NEB: variants seen among roughly 807,000 people sequenced by gnomAD.
The protein encoded by NEB is nemaline myopathy type 2.
A neutral mutation model predicts 952.2 loss-of-function variants in NEB; 512 were observed. The ratio of observed to expected loss-of-function variants is 0.54; its 90% confidence interval spans 0.50 to 0.58. The LOEUF (loss-of-function observed/expected upper bound fraction) is 0.58, where lower values mean the gene tolerates loss of function less well. Among genes scored for constraint, NEB ranks in the 20% least tolerant of loss-of-function variants. The pLI is 0.00. For missense variants in NEB, 8,428 were observed against 9,231.1 expected, an observed-to-expected ratio of 0.91 and a Z score of 3.56; for synonymous variants, 2,900 against 3,149.8, an observed-to-expected ratio of 0.92 and a Z score of 2.66.
intron 6 of NEB, 102 bp downstream of exon 6, chr2:151,725,351 A>T: frequency 1.1e-6 from 1 of 883,912 alleles, no homozygotes; most frequent in Non-Finnish European, 1.8e-6. Flanking sequence ...GCTCATAGTA[A>T]TTCAACTGCT....
intron 36 of NEB, among the ~76,000 whole-genome samples, chr2:151,673,024 T>A (rs1325420975): frequency 2.0e-5 from 3 of 152,214 alleles, no homozygotes; most frequent in Non-Finnish European, 4.4e-5. Context: ...TTCATAGGTT[T>A]CGATTTAATA....
Position 151,491,685 on chromosome 2 carries a change from T to C in NEB, c.25148A>G (p.Asn8383Ser). 1 of 1,585,964 alleles carries C rather than the reference T, an allele frequency of 6.3e-7. No individual in the cohort carries two copies. Among genetic ancestry groups the C allele is most frequent in the South Asian group, 1.2e-5 (1 of 86,658 alleles). The part of the protein sequence containing the change: ...NIQSRSLHMI[N>S]VQAQRRSREQ... ...TAAGCCTTTTTCAGCTAACACACCATTAATCATGTGTAAGCTTCGGGACTG... is the reference window on the plus strand; with the variant it reads ...TAAGCCTTTTTCAGCTAACACACCACTAATCATGTGTAAGCTTCGGGACTG... The change falls in exon 179 of 182, where the codon AAT becomes AGT. Residue 8383 changes from asparagine to serine, a missense_variant and splice_region_variant. Coordinates refer to ENST00000397345, the MANE Select transcript of NEB (RefSeq NM_001164508.2).
Position 151,485,679 on chromosome 2 carries a change from A to G in NEB, c.*81T>C, listed in dbSNP as rs2049722735. The G allele has an allele frequency of 7.5e-7, 1 of 1,334,820 alleles. No individual in the cohort carries two copies. The highest frequency in any genetic ancestry group is 1.0e-6 in the Non-Finnish European group (1 of 983,460). 82.7% of individuals were successfully genotyped at this position (1,334,820 alleles called of 1,614,324 possible). A position where few individuals can be genotyped will look rare whatever the true frequency, so the allele number is the denominator to read the frequency against. On this transcript the variant is annotated 3_prime_UTR_variant, in exon 182 of 182. Transcript: ENST00000397345. The stretch of plus-strand genomic sequence containing the variant: ...AAAACCATAGGCAGCTTGAGAACTT[A>G]GGTAACAGTGGAGAGTCTAAACCGA...
intron 116 of NEB, among the ~76,000 whole-genome samples, 173 bp from the exon 117 acceptor site, chr2:151,565,321 A>C (rs528434259): frequency 6.6e-6 from 1 of 152,338 alleles, no homozygotes; most frequent in East Asian, 1.9e-4. Context: ...TAGATATCTA[A>C]AAGTGAATAC....
chr2:151,506,139 T>C (rs1336317705), intron 164 of NEB, 27 bp downstream of exon 164: 2 of 1,550,600 alleles, frequency 1.3e-6, no homozygotes, highest in Middle Eastern at 1.7e-4. Flanking sequence ...GCAGAAAATA[T>C]TGCAAGTGCA....
rs778063345 is a variant in NEB, at chr2:151,527,560, G to A, written c.21761C>T (p.Ala7254Val). 1 of 1,612,784 alleles carries A rather than the reference G, an allele frequency of 6.2e-7. No individual in the cohort carries two copies. Among genetic ancestry groups the A allele is most frequent in the East Asian group, 2.2e-5 (1 of 44,820 alleles). The change falls in exon 147 of 182, where the codon GCC (alanine) becomes GTC (valine). Residue 7254 changes from alanine to valine, a missense_variant. By Grantham distance (64) the Ala-to-Val change is moderately conservative. Coordinates refer to ENST00000397345, the MANE Select transcript of NEB (RefSeq NM_001164508.2). Reference protein sequence around the residue: ...TNLDYKKQYEANKAHWKWTPD... With the variant: ...TNLDYKKQYEVNKAHWKWTPD... ...AGTCCACTTCCAGTGGGCTTTGTTG[G>A]CTTCGTACTGTTTCTTATAGTCCAG... is the stretch of plus-strand genomic sequence containing the variant.
In NEB at chr2:151,625,373, AT is replaced by A. The variant is rs200231116; in HGVS notation, c.10452+160del. ...AATCTATCTACCTTTCTATCTGCCT[AT>A]TTTTTAATACAATAATATGTATATT... On this transcript the variant is annotated intron_variant, in intron 71 of 181. Coordinates refer to ENST00000397345, the MANE Select transcript of NEB (RefSeq NM_001164508.2). 2.6e-4 allele frequency among the ~76,000 whole-genome samples: 39 copies of A among 152,142 alleles called. No individual in the cohort carries two copies. The East Asian group carries it at 7.3e-3, about 29-fold the overall frequency.
At chr2:151,704,445 G>T (rs1422652230) in intron 13 of NEB, among the ~76,000 whole-genome samples, 12 of 149,098 alleles carry the variant, frequency 8.0e-5, no homozygotes, top group South Asian at 2.2e-4. Flanking sequence ...AATGGCGGGC[G>T]CCCCTCCCCC....
intron 7 of NEB, 118 bp downstream of exon 7, chr2:151,724,739 T>A (rs1341411275): frequency 1.3e-6 from 1 of 753,168 alleles, no homozygotes; most frequent in Non-Finnish European, 2.2e-6. Context: ...GGTATTGAAC[T>A]CACACTGCCC....
intron 25 of NEB, 128 bp downstream of exon 25, chr2:151,688,164 G>T: frequency 1.3e-6 from 1 of 746,352 alleles, no homozygotes. Context: ...GGCCTTAAAA[G>T]CTCCACTTAC....
At chr2:151,655,442 T>A in intron 50 of NEB, 68 bp from the exon 51 acceptor site, 12 of 846,134 alleles carry the variant, frequency 1.4e-5, no homozygotes, top group Non-Finnish European at 2.2e-5. Context: ...AAATATGTAT[T>A]TATATATTAG....
chr2:151,703,928 G>A (rs1305260702), intron 13 of NEB, among the ~76,000 whole-genome samples: 2 of 133,580 alleles, frequency 1.5e-5, no homozygotes, highest in East Asian at 2.2e-4. Context: ...TGGAGGAGGA[G>A]AGGCGCTCTG....
intron 134 of NEB, among the ~76,000 whole-genome samples, 155 bp downstream of exon 134, chr2:151,546,190 A>G (rs776241654): frequency 3.3e-5 from 5 of 152,196 alleles, no homozygotes; most frequent in African/African-American, 4.8e-5. Context: ...GGCACAGATC[A>G]CATTAAAGTG....
In NEB at chr2:151,501,398, A is replaced by C. The variant is rs766968278; in HGVS notation, c.24014T>G (p.Phe8005Cys). 1 of 1,547,962 alleles carries C rather than the reference A, an allele frequency of 6.5e-7. No homozygotes were observed. The highest frequency in any genetic ancestry group is 1.2e-5 in the South Asian group (1 of 83,604). Residue 8005 changes from phenylalanine to cysteine, a missense_variant, in exon 168 of 182, where the codon TTT (phenylalanine) becomes TGT (cysteine). Transcript: ENST00000397345. ...MERVKLNQEN[F>C]SSVLYKENVG... ...GAGCTTTCTCCCAAATACCGAGCTA[A>C]AGTTTTCTTGATTGAGTTTGACTCG... is the stretch of plus-strand genomic sequence containing the variant.
At chr2:151,528,202 G>A (rs1226912978) in intron 146 of NEB, among the ~76,000 whole-genome samples, 1 of 152,138 alleles carries the variant, frequency 6.6e-6, no homozygotes, top group African/African-American at 2.4e-5. Context: ...TGGAGAACTG[G>A]CTGCATTGGG....
At chr2:151,653,513 A>C (rs993175768) in intron 52 of NEB, among the ~76,000 whole-genome samples, 1 of 152,144 alleles carries the variant, frequency 6.6e-6, no homozygotes, top group African/African-American at 2.4e-5. Flanking sequence ...TGGATTTTTT[A>C]TGTCCCAAGG....
chr2:151,514,292 G>A lies in NEB; in HGVS notation c.23127+26C>T, dbSNP rs141178569. 58 of 1,462,510 alleles carry A rather than the reference G, an allele frequency of 4.0e-5. 2 individuals carry two copies. In the African/African-American group the frequency reaches 4.2e-4, roughly 11 times the overall value. 90.6% of individuals were successfully genotyped at this position (1,462,510 alleles called of 1,614,324 possible). On this transcript the variant is annotated intron_variant, in intron 159 of 181. Coordinates refer to ENST00000397345, the MANE Select transcript of NEB (RefSeq NM_001164508.2). The stretch of plus-strand genomic sequence containing the variant: ...AAAGAAATGATGCTGTATGAATTAC[G>A]TGCAGGCAGTCAGCTGTGGGCCTAC...
intron 72 of NEB, among the ~76,000 whole-genome samples, 188 bp from the exon 73 acceptor site, chr2:151,619,950 T>G (rs2154023585): frequency 1.3e-5 from 2 of 152,268 alleles, no homozygotes; most frequent in East Asian, 3.9e-4. Context: ...CCACAATGGT[T>G]CCTTTATATA....
chr2:151,553,593 G>T (rs1284966427), intron 126 of NEB, 91 bp from the exon 127 acceptor site: 2 of 1,003,460 alleles, frequency 2.0e-6, no homozygotes, highest in Non-Finnish European at 1.5e-6. Context: ...GACTCAGAAG[G>T]CTTTGTGGAA....
Sources: gnomAD v4.1 joint callset for allele counts (sites outside exome capture counted in the v4.1 genomes callset) on GRCh38, gnomAD v4.1.1 for gene constraint, MANE v1.5 for transcripts, NCBI Gene and HGNC (gene_info 2026-07-23, HGNC 2026-07-21) for gene names.